PHACTR2: variants seen among roughly 807,000 people sequenced by gnomAD.
PHACTR2 encodes phosphatase and actin regulator 2, also known as chromosome 6 open reading frame 56.
In PHACTR2, 30 loss-of-function variants were observed where a neutral mutation model predicts 76.0. The ratio of observed to expected loss-of-function variants is 0.39; its 90% CI spans 0.30 to 0.54. The LOEUF is 0.54. PHACTR2 is among the 20% of genes least tolerant of loss of function. The pLI, the probability that PHACTR2 is intolerant of heterozygous loss-of-function variation, is 0.61. For missense variants in PHACTR2, 696 were observed against 781.1 expected, an observed-to-expected ratio of 0.89 and a Z score of 1.30; for synonymous variants, 292 against 292.5, an observed-to-expected ratio of 1.00 and a Z score of 0.02.
intron 1 of PHACTR2, among the ~76,000 whole-genome samples, chr6:143,702,799 T>TTTTTTTA (rs57620507): frequency 1.1e-4 from 14 of 124,342 alleles, no homozygotes; most frequent in South Asian, 2.6e-4. Flanking sequence ...TTTTTTTTTT[T>TTTTTTTA]ACAGAAAATA....
chr6:143,763,765 T>C (rs1481353849), intron 5 of PHACTR2, among the ~76,000 whole-genome samples: 1 of 152,242 alleles, frequency 6.6e-6, no homozygotes, highest in East Asian at 1.9e-4. Context: ...ATTCTTCATC[T>C]CTTCACCCTC....
intron 1 of PHACTR2, chr6:143,711,027 G>A (rs766042786): frequency 1.2e-5 from 6 of 516,498 alleles, no homozygotes; most frequent in East Asian, 5.5e-5. Context: ...GTCAGTTTAC[G>A]GTTTTTTAAA....
chr6:143,644,457 G>A (rs180836218), intron 1 of PHACTR2, among the ~76,000 whole-genome samples: 8 of 101,254 alleles, frequency 7.9e-5, no homozygotes, highest in Non-Finnish European at 1.4e-4. Flanking sequence ...GACAGAGTGG[G>A]ACTCCATCTC....
chr6:143,600,778 G>T (rs894373126), intron 1 of PHACTR2, among the ~76,000 whole-genome samples: 1 of 152,224 alleles, frequency 6.6e-6, no homozygotes, highest in Non-Finnish European at 1.5e-5. Context: ...AAAAAGAATA[G>T]CTTTAAACAT....
chr6:143,704,101 G>C (rs1262564203), intron 1 of PHACTR2, among the ~76,000 whole-genome samples: 1 of 151,406 alleles, frequency 6.6e-6, no homozygotes, highest in South Asian at 2.1e-4. Flanking sequence ...GTGTCTGTGT[G>C]TGTGTGTGTG....
chr6:143,716,992 C>T (rs567866643), intron 2 of PHACTR2, among the ~76,000 whole-genome samples: 14 of 152,276 alleles, frequency 9.2e-5, no homozygotes, highest in African/African-American at 2.9e-4. Context: ...GGACTTTGCT[C>T]CTGTCACTTC....
At position 143,641,662 on chromosome 6, in the gene PHACTR2, C is replaced by T. The variant is rs1393663017; in HGVS notation, c.13+33340C>T. Among the ~76,000 whole-genome samples the T allele has an allele frequency of 6.6e-6, 1 of 152,032 alleles. No homozygotes were observed. The highest frequency in any genetic ancestry group is 1.5e-5 in the Non-Finnish European group (1 of 67,980). The stretch of plus-strand genomic sequence containing the variant: ...GCTGGGATTACAGGCATGCACCACC[C>T]TGCCCAGCTAATTTTGTATTTTGAA... On this transcript the variant is annotated intron_variant, in intron 1 of 11. Coordinates refer to the PHACTR2 transcript ENST00000305766. This position sits in a 1 kb window ranked among gnomAD's most constrained non-coding sequence, Gnocchi z 5.8.
intron 9 of PHACTR2, among the ~76,000 whole-genome samples, chr6:143,781,605 T>C (rs1317769970): frequency 6.6e-6 from 1 of 152,238 alleles, no homozygotes; most frequent in African/African-American, 2.4e-5. Context: ...CACTATCGTG[T>C]CACCTTGTAA....
At chr6:143,727,582 C>T (rs906272052) in intron 2 of PHACTR2, among the ~76,000 whole-genome samples, 2 of 124,850 alleles carry the variant, frequency 1.6e-5, no homozygotes, top group Admixed American at 1.4e-4. Context: ...CTTACCAACA[C>T]CGTGTAAGAG....
Position 143,824,029 on chromosome 6 carries a change from G to C in PHACTR2, c.*340G>C, listed in dbSNP as rs1776485397. 1 of 210,668 alleles carries C rather than the reference G, an allele frequency of 4.7e-6. No homozygotes were observed. Among genetic ancestry groups the C allele is most frequent in the Non-Finnish European group, 9.4e-6 (1 of 106,628 alleles). The allele number at this position is 210,668 out of a possible 1,614,324, so 13.0% of individuals were successfully genotyped here. A position where few individuals can be genotyped will look rare whatever the true frequency, so the allele number is the denominator to read the frequency against. ...CCAGAAAGCCAAATTTTATAATGCGGGTGAAAGAAAAATATAGATTAAAAT... is the reference window on the plus strand; with the variant it reads ...CCAGAAAGCCAAATTTTATAATGCGCGTGAAAGAAAAATATAGATTAAAAT... On this transcript the variant is annotated 3_prime_UTR_variant, in exon 13 of 13. Transcript: ENST00000440869. This position sits in a 1 kb window ranked among gnomAD's most constrained non-coding sequence, Gnocchi z 6.3.
Position 143,761,149 on chromosome 6 carries a change from G to A in PHACTR2, c.694+509G>A, listed in dbSNP as rs553013536. Among the ~76,000 whole-genome samples the A allele has an allele frequency of 6.6e-6, 1 of 152,314 alleles. No individual in the cohort carries two copies. The highest frequency in any genetic ancestry group is 6.5e-5 in the Admixed American group (1 of 15,304). Reference sequence around the variant, plus strand: ...TTCTGATAAATGACAAAGGGTTCATGTCACTTGTTTCAGCTCCACCCCACC... The same window carrying A: ...TTCTGATAAATGACAAAGGGTTCATATCACTTGTTTCAGCTCCACCCCACC... On this transcript the variant is annotated intron_variant, in intron 5 of 12. Transcript: ENST00000440869. The surrounding 1 kb of genome is among the most constrained non-coding windows in gnomAD (Gnocchi z 5.2).
chr6:143,563,551 C>CAAAAAAAA (rs76587878), intron 1 of PHACTR2, among the ~76,000 whole-genome samples: 39 of 29,770 alleles, frequency 1.3e-3, no homozygotes, highest in East Asian at 5.0e-3. Context: ...AACTCCGTCT[C>CAAAAAAAA]AAAAAAAAAA....
chr6:143,611,003 C>T lies in PHACTR2; in HGVS notation c.13+2681C>T. 6.6e-6 allele frequency among the ~76,000 whole-genome samples: 1 copy of T among 152,144 alleles called. No individual in the cohort carries two copies. The highest frequency in any genetic ancestry group is 1.9e-4 in the East Asian group (1 of 5,198). On this transcript the variant is annotated intron_variant, in intron 1 of 11. Coordinates refer to the PHACTR2 transcript ENST00000305766. This position sits in a 1 kb window ranked among gnomAD's most constrained non-coding sequence, Gnocchi z 4.4. ...TGTGACTACAAGCATCATCAGCATT[C>T]TGCCAGTGCCACTATCCTCCTTACC...
intron 2 of PHACTR2, among the ~76,000 whole-genome samples, chr6:143,732,250 C>T (rs1778716799): frequency 6.6e-6 from 1 of 152,198 alleles, no homozygotes; most frequent in Non-Finnish European, 1.5e-5. Context: ...TAAACATTTC[C>T]ATCACTCTAG....
At position 143,771,218 on chromosome 6, in the gene PHACTR2, A is replaced by G. The variant is rs1326453830; in HGVS notation, c.1233-1040A>G. Among the ~76,000 whole-genome samples, 482 of 102,058 alleles carry G rather than the reference A, an allele frequency of 4.7e-3. 29 individuals carry two copies. The highest frequency in any genetic ancestry group is 0.02 in the African/African-American group (465 of 23,486). 67.0% of individuals were successfully genotyped at this position (102,058 alleles called of 152,430 possible). A position where few individuals can be genotyped will look rare whatever the true frequency, so the allele number is the denominator to read the frequency against. On this transcript the variant is annotated intron_variant, in intron 6 of 12. Transcript: ENST00000440869. ...TGTATATATATATATATATATATAT[A>G]TATATATATATATATATGCTTTTTT...
Position 143,659,437 on chromosome 6 carries a change from G to C in PHACTR2, c.13+51115G>C, listed in dbSNP as rs1026732373. Among the ~76,000 whole-genome samples the C allele has an allele frequency of 6.6e-6, 1 of 152,202 alleles. No homozygotes were observed. Among genetic ancestry groups the C allele is most frequent in the Non-Finnish European group, 1.5e-5 (1 of 68,040 alleles). On this transcript the variant is annotated intron_variant, in intron 1 of 11. Coordinates refer to the PHACTR2 transcript ENST00000305766. This position sits in a 1 kb window ranked among gnomAD's most constrained non-coding sequence, Gnocchi z 5.0. ...AGGGATGTCGTCTCATCCAAGGCTTGACTGAGGAAGGATACACCTGGAAGT... is the reference window on the plus strand; with the variant it reads ...AGGGATGTCGTCTCATCCAAGGCTTCACTGAGGAAGGATACACCTGGAAGT...
rs1337881951 is a variant in PHACTR2 at position 143,695,385 on chromosome 6, G to T, written c.47-16631G>T. Among the ~76,000 whole-genome samples, 1 of 152,176 alleles carries T rather than the reference G, an allele frequency of 6.6e-6. No individual in the cohort carries two copies. ...AGGTTAAAAGTCATAGAATATTGGTGTTCTTCCAAGTTGAGAACAGAACAC... is the reference window on the plus strand; with the variant it reads ...AGGTTAAAAGTCATAGAATATTGGTTTTCTTCCAAGTTGAGAACAGAACAC... On this transcript the variant is annotated intron_variant, in intron 1 of 12. Coordinates refer to ENST00000440869, the MANE Select transcript of PHACTR2 (RefSeq NM_001100164.2). The surrounding 1 kb of genome is among the most constrained non-coding windows in gnomAD (Gnocchi z 4.4).
chr6:143,714,946 G>A (rs1028675362), intron 2 of PHACTR2, among the ~76,000 whole-genome samples: 1 of 152,246 alleles, frequency 6.6e-6, no homozygotes, highest in African/African-American at 2.4e-5. Flanking sequence ...CCAAAGCTAA[G>A]AGTACAAATG....
intron 12 of PHACTR2, among the ~76,000 whole-genome samples, chr6:143,817,508 T>C (rs965253286): frequency 2.0e-5 from 3 of 152,160 alleles, no homozygotes; most frequent in Admixed American, 2.0e-4. Flanking sequence ...GGGGTATCAC[T>C]GGATGGGCTC....
Sources: allele counts gnomAD v4.1 joint callset (sites outside exome capture counted in the v4.1 genomes callset), GRCh38; gene constraint gnomAD v4.1.1; non-coding constraint Gnocchi (gnomAD v3.1); transcripts MANE v1.5; gene names NCBI Gene and HGNC (gene_info 2026-07-23, HGNC 2026-07-21).